Variants in TAFA2 observed in about 807,000 individuals in gnomAD.
The protein encoded by TAFA2 is chemokine-like protein TAFA-2.
TAFA2 carries 7 observed loss-of-function variants against 18.8 expected under a neutral mutation model. The ratio of observed to expected loss-of-function variants is 0.37; its 90% CI spans 0.21 to 0.70. The LOEUF (loss-of-function observed/expected upper bound fraction) is 0.70. Among genes scored for constraint, TAFA2 ranks in the 30% least tolerant of loss-of-function variants. TAFA2 has a pLI of 0.53. For synonymous variants in TAFA2, 60 were observed against 54.2 expected (o/e 1.11, Z -0.47); for missense variants, 122 against 158.1 (o/e 0.77, Z 1.23).
intron 1 of TAFA2, among the ~76,000 whole-genome samples, chr12:62,056,546 G>A (rs1468162111): frequency 1.3e-5 from 2 of 152,042 alleles, no homozygotes; most frequent in South Asian, 2.1e-4. Flanking sequence ...GAAGTCCATG[G>A]GCTCCCCCAC....
At chr12:62,011,183 C>T (rs1483112480) in intron 1 of TAFA2, among the ~76,000 whole-genome samples, 2 of 151,618 alleles carry the variant, frequency 1.3e-5, no homozygotes, top group Non-Finnish European at 2.9e-5. Flanking sequence ...CCGGCTGCCC[C>T]GTCTGGGAAG....
chr12:62,040,521 A>C (rs903923459), intron 1 of TAFA2, among the ~76,000 whole-genome samples: 1 of 152,132 alleles, frequency 6.6e-6, no homozygotes, highest in Non-Finnish European at 1.5e-5. Flanking sequence ...CAGGAAGAAG[A>C]CAGTCACGCA....
rs556967545 is a variant in TAFA2, at chr12:62,188,358, AG to A, written c.-2+2900del. On this transcript the variant is annotated intron_variant, in intron 1 of 4. Transcript: ENST00000416284. ...GGCATCCCTAATAAAATACTGCAGA[AG>A]TAAAAGCAGGGGCACTGAACTGTTT... Among the ~76,000 whole-genome samples the A allele has an allele frequency of 3.0e-3, 456 of 152,326 alleles. 1 individual carries two copies. The highest frequency in any genetic ancestry group is 0.01 in the African/African-American group (433 of 41,582).
At chr12:61,976,325 T>G (rs1196550904) in intron 1 of TAFA2, among the ~76,000 whole-genome samples, 1 of 151,896 alleles carries the variant, frequency 6.6e-6, no homozygotes, top group East Asian at 1.9e-4. Context: ...GCCTAAGGTT[T>G]TGTTCTCCTT....
intron 4 of TAFA2, among the ~76,000 whole-genome samples, chr12:61,732,555 G>A (rs144322179): frequency 8.2e-4 from 125 of 152,134 alleles, no homozygotes; most frequent in African/African-American, 2.8e-3. Context: ...CTGAATAGAG[G>A]TTGGATGGGC....
chr12:61,905,814 T>C (rs932847788), intron 1 of TAFA2, among the ~76,000 whole-genome samples: 2 of 152,192 alleles, frequency 1.3e-5, no homozygotes, highest in African/African-American at 4.8e-5. Flanking sequence ...ATACTCATTT[T>C]ATTAAATCCC....
intron 2 of TAFA2, among the ~76,000 whole-genome samples, chr12:61,832,972 T>C (rs1872774020): frequency 6.7e-6 from 1 of 150,072 alleles, no homozygotes; most frequent in Admixed American, 6.7e-5. Context: ...ATCTACAATG[T>C]GTCATTGTAG....
chr12:62,140,671 G>A (rs2062233791), intron 1 of TAFA2, among the ~76,000 whole-genome samples: 1 of 152,158 alleles, frequency 6.6e-6, no homozygotes, highest in Non-Finnish European at 1.5e-5. Flanking sequence ...TGCAACAAAT[G>A]TCTGCTTGGT....
At chr12:62,036,729 G>C (rs1389846149) in intron 1 of TAFA2, among the ~76,000 whole-genome samples, 2 of 152,144 alleles carry the variant, frequency 1.3e-5, no homozygotes, top group African/African-American at 4.8e-5. Flanking sequence ...GCTCCTTTGA[G>C]GACATAACAC....
At chr12:62,165,054 G>A (rs1419178910) in intron 1 of TAFA2, among the ~76,000 whole-genome samples, 1 of 152,056 alleles carries the variant, frequency 6.6e-6, no homozygotes, top group Non-Finnish European at 1.5e-5. Context: ...ATACCTTGGG[G>A]AAAATCATTT....
intron 1 of TAFA2, among the ~76,000 whole-genome samples, chr12:62,122,928 T>C (rs1363637339): frequency 3.3e-5 from 5 of 152,134 alleles, no homozygotes; most frequent in Admixed American, 3.3e-4. Context: ...TTTTCTACCA[T>C]GGAGAACCCT....
At position 61,887,446 on chromosome 12, in the gene TAFA2, T is replaced by A. The variant is rs555185021; in HGVS notation, c.-1-20020A>T. ...GTGTGAGCTAATTGCTTTTTTTTTT[T>A]ATTATACTTTAAGTTTTAGGGTACA... On this transcript the variant is annotated intron_variant, in intron 1 of 4. Transcript: ENST00000416284. Among the ~76,000 whole-genome samples, 440 of 151,724 alleles carry A rather than the reference T, an allele frequency of 2.9e-3. 2 individuals carry two copies. Among genetic ancestry groups the A allele is most frequent in the African/African-American group, 0.01 (417 of 41,296 alleles).
At chr12:61,739,977 T>C (rs1868376390) in intron 4 of TAFA2, among the ~76,000 whole-genome samples, 1 of 152,102 alleles carries the variant, frequency 6.6e-6, no homozygotes, top group Admixed American at 6.6e-5. Context: ...CTCCTCACAA[T>C]TACTCAAACA....
chr12:61,947,132 A>G (rs1878296541), intron 1 of TAFA2, among the ~76,000 whole-genome samples: 1 of 137,764 alleles, frequency 7.3e-6, no homozygotes, highest in Non-Finnish European at 1.5e-5. Context: ...CAGCCATAAA[A>G]AATGATGAGT....
At chr12:62,142,225 C>T (rs1032833164) in intron 1 of TAFA2, among the ~76,000 whole-genome samples, 1 of 152,152 alleles carries the variant, frequency 6.6e-6, no homozygotes, top group Non-Finnish European at 1.5e-5. Context: ...ATAATAACTA[C>T]CTGAGCCTGG....
At chr12:61,812,225 A>T (rs956454360) in intron 2 of TAFA2, among the ~76,000 whole-genome samples, 1 of 151,480 alleles carries the variant, frequency 6.6e-6, no homozygotes, top group Non-Finnish European at 1.5e-5. Context: ...CCTCTGAAGG[A>T]AACTCCTAGT....
At chr12:61,999,988 T>C (rs1317903578) in intron 1 of TAFA2, among the ~76,000 whole-genome samples, 2 of 152,174 alleles carry the variant, frequency 1.3e-5, no homozygotes, top group Middle Eastern at 3.2e-3. Context: ...TTTCCAAAGA[T>C]GATACAAACA....
At chr12:61,929,786 A>G (rs557714143) in intron 1 of TAFA2, among the ~76,000 whole-genome samples, 1 of 152,264 alleles carries the variant, frequency 6.6e-6, no homozygotes, top group South Asian at 2.1e-4. Context: ...CTGGATTAAG[A>G]AAATGTGGCA....
intron 2 of TAFA2, among the ~76,000 whole-genome samples, chr12:61,840,852 T>A (rs561384363): frequency 6.6e-6 from 1 of 152,090 alleles, no homozygotes; most frequent in South Asian, 2.1e-4. Flanking sequence ...TGAGGGAAAT[T>A]TAGAATTTAA....
Sources: gnomAD v4.1 joint callset for allele counts (sites outside exome capture counted in the v4.1 genomes callset) on GRCh38, gnomAD v4.1.1 for gene constraint, MANE v1.5 for transcripts, NCBI Gene and HGNC (gene_info 2026-07-23, HGNC 2026-07-21) for gene names.